Variants in C19orf44 observed in about 807,000 individuals in gnomAD.
The protein encoded by C19orf44 is uncharacterized protein C19orf44.
Under a neutral mutation model 50.7 loss-of-function variants are expected in C19orf44, and 43 were observed. The observed-to-expected ratio is 0.85, with a 90% CI of 0.66 to 1.09. C19orf44 has a LOEUF of 1.09. C19orf44 is among the 50% of genes least tolerant of loss of function. The probability of loss-of-function intolerance (pLI) is 0.00; values close to 1 mark genes in which losing one functional copy is unlikely to be tolerated. For synonymous variants in C19orf44, 298 were observed against 334.7 expected (o/e 0.89, Z 1.20); for missense variants, 722 against 836.2 (o/e 0.86, Z 1.68).
chr19:16,517,705 G>A (rs574482567), intron 8 of C19orf44, among the ~76,000 whole-genome samples: 2 of 152,260 alleles, frequency 1.3e-5, no homozygotes, highest in Admixed American at 1.3e-4. Flanking sequence ...CAGTGAGCCA[G>A]AGGGAGACAG....
At position 16,520,203 on chromosome 19, in the gene C19orf44, T is replaced by C. The variant is rs779311631; in HGVS notation, c.*150T>C. 1 of 1,613,330 alleles carries C rather than the reference T, an allele frequency of 6.2e-7. No homozygotes were observed. The highest frequency in any genetic ancestry group is 1.1e-5 in the South Asian group (1 of 91,068). On this transcript the variant is annotated 3_prime_UTR_variant, in exon 9 of 9. Coordinates refer to ENST00000221671, the MANE Select transcript of C19orf44 (RefSeq NM_032207.4). This position sits in a 1 kb window ranked among gnomAD's most constrained non-coding sequence, Gnocchi z 4.0. Reference sequence around the variant, plus strand: ...GCGTCTTCTTCCTGGGGAGTACGACTTGGACCGGGACCGCGACTGGGACCG... The same window carrying C: ...GCGTCTTCTTCCTGGGGAGTACGACCTGGACCGGGACCGCGACTGGGACCG...
In C19orf44 at chr19:16,519,061, A is replaced by T; in HGVS notation, c.*41-1033A>T. On this transcript the variant is annotated intron_variant, in intron 8 of 8. Coordinates refer to ENST00000221671, the MANE Select transcript of C19orf44 (RefSeq NM_032207.4). This position sits in a 1 kb window ranked among gnomAD's most constrained non-coding sequence, Gnocchi z 6.0. Reference sequence around the variant, plus strand: ...GGCTCTCCACAAGTGGAGACGGTGTAAGAACTGAGCTGTCACTGCAATCTT... The same window carrying T: ...GGCTCTCCACAAGTGGAGACGGTGTTAGAACTGAGCTGTCACTGCAATCTT... 9.0e-7 allele frequency: 1 copy of T among 1,105,478 alleles called. No individual in the cohort carries two copies. The highest frequency in any genetic ancestry group is 1.3e-6 in the Non-Finnish European group (1 of 765,238). 68.5% of individuals were successfully genotyped at this position (1,105,478 alleles called of 1,614,324 possible). A position where few individuals can be genotyped will look rare whatever the true frequency, so the allele number is the denominator to read the frequency against.
intron 8 of C19orf44, 122 bp downstream of exon 8, chr19:16,517,463 A>T: frequency 2.9e-6 from 2 of 681,250 alleles, no homozygotes; most frequent in South Asian, 3.6e-5. Flanking sequence ...ACACACACAC[A>T]GTCAGCATCC....
chr19:16,513,042 C>T lies in C19orf44; in HGVS notation c.1668C>T (p.Ala556=). The change falls in exon 6 of 9, where the codon GCC becomes GCT. Residue 556 remains alanine, a synonymous_variant. Coordinates refer to ENST00000221671, the MANE Select transcript of C19orf44 (RefSeq NM_032207.4). ...KVASMAAMGP[A]LGGAYVDPTP... ...CCAGCATGGCAGCCATGGGGCCTGC[C>T]CTGGGAGGCGCCTACGTGGACCCGA... The T allele has an allele frequency of 3.7e-6, 6 of 1,613,552 alleles. No individual in the cohort carries two copies. The highest frequency in any genetic ancestry group is 4.2e-6 in the Non-Finnish European group (5 of 1,179,986).
At chr19:16,508,907 G>C (rs1388637110) in intron 4 of C19orf44, among the ~76,000 whole-genome samples, 1 of 151,592 alleles carries the variant, frequency 6.6e-6, no homozygotes, top group East Asian at 2.0e-4. Flanking sequence ...CATAACCTCT[G>C]CCTCCTGGGT....
At chr19:16,509,437 G>A in intron 4 of C19orf44, 62 bp from the exon 5 acceptor site, 1 of 1,519,916 alleles carries the variant, frequency 6.6e-7, no homozygotes, top group Non-Finnish European at 8.8e-7. Context: ...GGAGTGCAGT[G>A]TTCCTAGCAT....
intron 2 of C19orf44, among the ~76,000 whole-genome samples, chr19:16,501,912 A>AT (rs35232665): frequency 0.3 from 35,417 of 116,260 alleles, 5,668 homozygotes; most frequent in African/African-American, 0.51. Flanking sequence ...ACTTTTTTGT[A>AT]TTTTTTTTTT....
intron 4 of C19orf44, among the ~76,000 whole-genome samples, chr19:16,508,529 A>C (rs2122201306): frequency 6.6e-6 from 1 of 152,124 alleles, no homozygotes; most frequent in Non-Finnish European, 1.5e-5. Flanking sequence ...CTGAGACTAC[A>C]AGCGTGCACC....
At chr19:16,514,433 GGGGGGGGGC>G in intron 6 of C19orf44, 55 bp from the exon 7 acceptor site, 1 of 1,452,696 alleles carries the variant, frequency 6.9e-7, no homozygotes, top group Non-Finnish European at 9.3e-7. Flanking sequence ...CTGAGCGGTG[GGGGGGGGGC>G]TGCAGAATTT....
chr19:16,519,545 A>C lies in C19orf44; in HGVS notation c.*41-549A>C. ...CATCCATCCCCACATGCACTGAGGA[A>C]GAGAAAGCGCTGGTGACTCCCGGGC... On this transcript the variant is annotated intron_variant, in intron 8 of 8. Transcript: ENST00000221671. This position sits in a 1 kb window ranked among gnomAD's most constrained non-coding sequence, Gnocchi z 6.0. 3.6e-6 allele frequency: 5 copies of C among 1,381,662 alleles called. No individual in the cohort carries two copies. Among genetic ancestry groups the C allele is most frequent in the Non-Finnish European group, 5.1e-6 (5 of 971,560 alleles). The allele number at this position is 1,381,662 out of a possible 1,614,324, so 85.6% of individuals were successfully genotyped here.
At chr19:16,517,430 G>A in intron 8 of C19orf44, 89 bp downstream of exon 8, 1 of 887,862 alleles carries the variant, frequency 1.1e-6, no homozygotes, top group Non-Finnish European at 1.8e-6. Flanking sequence ...GGTGGGGGCA[G>A]GTGGTACTGG....
intron 3 of C19orf44, among the ~76,000 whole-genome samples, chr19:16,506,453 C>T (rs746282572): frequency 6.6e-6 from 1 of 151,900 alleles, no homozygotes; most frequent in African/African-American, 2.4e-5. Flanking sequence ...ATTAGCCGGG[C>T]GAGGTGTCAG....
chr19:16,503,078 TGA>T lies in C19orf44; in HGVS notation c.777_778del (p.Arg259SerfsTer47). ...GTTTTATATCAGGTCCCATCTCAAC[TGA>T]GAGCATTTACTGTACCCAGCGTGGA... On this transcript the variant is annotated frameshift_variant, in exon 3 of 9. Transcript: ENST00000221671. LOFTEE classifies it high-confidence loss of function. 6.2e-7 allele frequency: 1 copy of T among 1,612,798 alleles called. No homozygotes were observed.
Position 16,514,504 on chromosome 19 carries a change from C to CGCTTACA in C19orf44, c.1746_1752dup (p.Pro585LeufsTer10), listed in dbSNP as rs754793573. 1 of 1,610,140 alleles carries CGCTTACA rather than the reference C, an allele frequency of 6.2e-7. No individual in the cohort carries two copies. Among genetic ancestry groups the CGCTTACA allele is most frequent in the South Asian group, 1.1e-5 (1 of 90,738 alleles). On this transcript the variant is annotated frameshift_variant, in exon 7 of 9. Coordinates refer to ENST00000221671, the MANE Select transcript of C19orf44 (RefSeq NM_032207.4). LOFTEE classifies it high-confidence loss of function. Reference sequence around the variant, plus strand: ...AACGCGGAGCTGGGTCAGCCCTGACCGCTTACAGCCCGGCCGTGCTGGCAC... The same window carrying CGCTTACA: ...AACGCGGAGCTGGGTCAGCCCTGACCGCTTACAGCTTACAGCCCGGCCGTGCTGGCAC...
chr19:16,508,513 G>A (rs1286730563), intron 4 of C19orf44, among the ~76,000 whole-genome samples: 1 of 152,066 alleles, frequency 6.6e-6, no homozygotes, highest in East Asian at 1.9e-4. Flanking sequence ...CCAGCCTCCT[G>A]AGTAGCTGAG....
chr19:16,512,360 C>T (rs528755559), intron 5 of C19orf44, among the ~76,000 whole-genome samples: 12 of 152,212 alleles, frequency 7.9e-5, no homozygotes, highest in African/African-American at 1.9e-4. Flanking sequence ...GCCATAAACA[C>T]GCTGGCCTCA....
intron 1 of C19orf44, among the ~76,000 whole-genome samples, chr19:16,497,163 G>A (rs541385493): frequency 6.6e-6 from 1 of 151,984 alleles, no homozygotes; most frequent in East Asian, 1.9e-4. Context: ...TGCCACGCTG[G>A]TCTCGAACTC....
chr19:16,503,465 G>A, intron 3 of C19orf44, 85 bp downstream of exon 3: 2 of 1,364,042 alleles, frequency 1.5e-6, no homozygotes, highest in Non-Finnish European at 2.0e-6. Flanking sequence ...TGGTCATGGG[G>A]CATTGCCACA....
rs749847642 is a variant in C19orf44 at position 16,503,329 on chromosome 19, G to A, written c.1024G>A (p.Ala342Thr). 7 of 1,613,854 alleles carry A rather than the reference G, an allele frequency of 4.3e-6. No individual in the cohort carries two copies. In the Admixed American group the frequency reaches 5.0e-5, roughly 12 times the overall value. The change falls in exon 3 of 9, where the codon GCT (alanine) becomes ACT (threonine). Residue 342 changes from alanine to threonine, a missense_variant. Coordinates refer to ENST00000221671, the MANE Select transcript of C19orf44 (RefSeq NM_032207.4). ...TGTGTCCTCCCCGGGAAGGAGTGAG[G>A]CTGAGACTGTGGACGAGCCAGTCTC... ...KLVSSPGRSE[A>T]ETVDEPVSEG...
Sources: gnomAD v4.1 joint callset for allele counts (sites outside exome capture counted in the v4.1 genomes callset) on GRCh38, gnomAD v4.1.1 for gene constraint, Gnocchi (gnomAD v3.1) non-coding constraint, MANE v1.5 for transcripts, NCBI Gene and HGNC (gene_info 2026-07-23, HGNC 2026-07-21) for gene names.